MYH10: variants seen among roughly 807,000 people sequenced by gnomAD.
MYH10 encodes myosin heavy chain 10.
In MYH10, 55 loss-of-function variants were observed where a neutral mutation model predicts 257.8. That is an observed-to-expected ratio of 0.21 (90% CI 0.17 to 0.27). The LOEUF is 0.27. Among genes scored for constraint, MYH10 ranks in the 10% least tolerant of loss-of-function variants. MYH10 has a pLI of 1.00. For synonymous variants in MYH10, 854 were observed against 921.7 expected (o/e 0.93, Z 1.33); for missense variants, 1,631 against 2,500.6 (o/e 0.65, Z 7.42).
At position 8,504,815 on chromosome 17, in the gene MYH10, A is replaced by C. The variant is rs777490524; in HGVS notation, c.3478T>G (p.Ser1160Ala). 1.2e-6 allele frequency: 2 copies of C among 1,614,134 alleles called. No individual in the cohort carries two copies. The highest frequency in any genetic ancestry group is 1.7e-6 in the Non-Finnish European group (2 of 1,180,024). The change falls in exon 28 of 43, where the codon TCC becomes GCC. Residue 1160 changes from serine to alanine, a missense_variant. Coordinates refer to ENST00000360416, the MANE Select transcript of MYH10 (RefSeq NM_001256012.3). The surrounding 1 kb of genome is among the most constrained non-coding windows in gnomAD (Gnocchi z 5.6). ...QIAELQEDFE[S>A]EKASRNKAEK... is the part of the protein sequence containing the mutation. ...GCCTTGTTCCGTGAAGCCTTCTCGG[A>C]TTCAAAGTCTTCCTGAAGTTCAGCA... is the stretch of plus-strand genomic sequence containing the variant.
chr17:8,501,980 A>G (rs2080910844), intron 28 of MYH10, among the ~76,000 whole-genome samples: 1 of 152,192 alleles, frequency 6.6e-6, no homozygotes. Context: ...TTTAAGCACG[A>G]GCTTGATGAA....
At chr17:8,529,153 G>A (rs71371851) in intron 17 of MYH10, among the ~76,000 whole-genome samples, 1 of 152,040 alleles carries the variant, frequency 6.6e-6, no homozygotes, top group African/African-American at 2.4e-5. Context: ...AAGAGTGTCC[G>A]TGCTTTAGGT....
chr17:8,608,869 G>A (rs1309273427), intron 2 of MYH10, among the ~76,000 whole-genome samples: 2 of 150,376 alleles, frequency 1.3e-5, no homozygotes, highest in African/African-American at 4.9e-5. Flanking sequence ...GGAGTGCAGT[G>A]GCACGATCTC....
At chr17:8,591,116 C>T (rs1478081921) in intron 3 of MYH10, among the ~76,000 whole-genome samples, 1 of 152,132 alleles carries the variant, frequency 6.6e-6, no homozygotes, top group Non-Finnish European at 1.5e-5. Flanking sequence ...TTGTGATTCA[C>T]CCACCTCGGC....
At position 8,513,655 on chromosome 17, in the gene MYH10, T is replaced by C. The variant is rs1305592506; in HGVS notation, c.2628A>G (p.Leu876=). 1.9e-6 allele frequency: 3 copies of C among 1,613,768 alleles called. No individual in the cohort carries two copies. Among genetic ancestry groups the C allele is most frequent in the Non-Finnish European group, 2.5e-6 (3 of 1,180,036 alleles). Residue 876 remains leucine, a synonymous_variant, in exon 23 of 43, where the codon CTA becomes CTG. Transcript: ENST00000360416. ...WRVFTKVKPL[L]QVTRQEEELQ... ...GTTCTTCCTCCTGGCGAGTCACTTGTAGAAGCGGCTTCACCTATGACAAAA... is the reference window on the plus strand; with the variant it reads ...GTTCTTCCTCCTGGCGAGTCACTTGCAGAAGCGGCTTCACCTATGACAAAA...
chr17:8,510,424 C>T (rs752883877), intron 24 of MYH10, among the ~76,000 whole-genome samples: 9 of 152,124 alleles, frequency 5.9e-5, no homozygotes, highest in Non-Finnish European at 1.0e-4. Context: ...TTCTAGAAGC[C>T]AACATGGCAA....
In MYH10 at chr17:8,490,284, AG is replaced by A. The variant is rs759682553; in HGVS notation, c.4884+55del. 23 of 1,509,894 alleles carry A rather than the reference AG, an allele frequency of 1.5e-5. No individual in the cohort carries two copies. The South Asian group carries it at 2.4e-4, about 15-fold the overall frequency. 93.5% of individuals were successfully genotyped at this position (1,509,894 alleles called of 1,614,324 possible). A position where few individuals can be genotyped will look rare whatever the true frequency, so the allele number is the denominator to read the frequency against. On this transcript the variant is annotated intron_variant, in intron 35 of 42. Transcript: ENST00000360416. The surrounding 1 kb of genome is among the most constrained non-coding windows in gnomAD (Gnocchi z 4.1). Reference sequence around the variant, plus strand: ...ACGAATGAACAGGATACTGACCCAGAGCTGGGCTTTGAGAGCCTGCACCCCT... The same window carrying A: ...ACGAATGAACAGGATACTGACCCAGACTGGGCTTTGAGAGCCTGCACCCCT...
chr17:8,524,003 G>T (rs901154003), intron 17 of MYH10, among the ~76,000 whole-genome samples: 2 of 152,124 alleles, frequency 1.3e-5, no homozygotes, highest in Non-Finnish European at 2.9e-5. Flanking sequence ...AGTGACAAGA[G>T]GAAAATTCCA....
chr17:8,581,901 C>CCACT (rs903578368), intron 4 of MYH10, among the ~76,000 whole-genome samples: 43 of 152,288 alleles, frequency 2.8e-4, no homozygotes, highest in Middle Eastern at 3.4e-3. Flanking sequence ...AATCCTTCTG[C>CCACT]CACTCCCTAG....
At chr17:8,589,719 T>A (rs1268887821) in intron 3 of MYH10, among the ~76,000 whole-genome samples, 1 of 152,168 alleles carries the variant, frequency 6.6e-6, no homozygotes, top group East Asian at 1.9e-4. Flanking sequence ...ATACACCAAA[T>A]ACAACAAAAG....
chr17:8,499,931 T>A (rs7217273), intron 29 of MYH10, among the ~76,000 whole-genome samples: 146,622 of 152,222 alleles, frequency 0.96, 70,861 homozygotes, highest in East Asian at 1. Flanking sequence ...CACATGGGAA[T>A]CTGGGCCAGA....
intron 35 of MYH10, among the ~76,000 whole-genome samples, chr17:8,488,613 A>G (rs1915257966): frequency 6.6e-6 from 1 of 152,214 alleles, no homozygotes; most frequent in Non-Finnish European, 1.5e-5. Flanking sequence ...GCTTCCTGCA[A>G]AGAGGATGAT....
In MYH10 at chr17:8,531,866, A is replaced by G. The variant is rs547421798; in HGVS notation, c.1895-1181T>C. 7.2e-4 allele frequency among the ~76,000 whole-genome samples: 110 copies of G among 152,332 alleles called. 1 individual carries two copies. Among genetic ancestry groups the G allele is most frequent in the African/African-American group, 2.5e-3 (106 of 41,578 alleles). ...TGTTTTTCCAGGGTTATTTTTCTAG[A>G]GAAAAATTGCTCCCCTTATCCTGCG... is the stretch of plus-strand genomic sequence containing the variant. On this transcript the variant is annotated intron_variant, in intron 16 of 42. Coordinates refer to ENST00000360416, the MANE Select transcript of MYH10 (RefSeq NM_001256012.3).
chr17:8,617,136 T>C (rs979391093), intron 2 of MYH10, among the ~76,000 whole-genome samples: 19 of 151,808 alleles, frequency 1.3e-4, no homozygotes, highest in Admixed American at 3.3e-4. Context: ...AGGCTGACCC[T>C]AAGAAAAGGA....
At chr17:8,512,063 C>T (rs8067864) in intron 24 of MYH10, among the ~76,000 whole-genome samples, 59,445 of 152,016 alleles carry the variant, frequency 0.39, 11,633 homozygotes, top group East Asian at 0.5. Flanking sequence ...CAGTGCTGAG[C>T]GTTTCTTATT....
At chr17:8,526,626 AT>A (rs1555587203) in intron 17 of MYH10, among the ~76,000 whole-genome samples, 1 of 48,662 alleles carries the variant, frequency 2.1e-5, no homozygotes, top group Admixed American at 1.8e-4. Flanking sequence ...ACATATTCGC[AT>A]AGCTTTAAGA....
chr17:8,518,711 G>A lies in MYH10; in HGVS notation c.2424C>T (p.His808=). 6.2e-7 allele frequency: 1 copy of A among 1,614,160 alleles called. No individual in the cohort carries two copies. The highest frequency in any genetic ancestry group is 8.5e-7 in the Non-Finnish European group (1 of 1,179,996). Reference sequence around the variant, plus strand: ...TTTTTAAATCTCTTTCTTCCTCTAAGTGTGCCAGAACTCCAGCTCTGAAAA... The same window carrying A: ...TTTTTAAATCTCTTTCTTCCTCTAAATGTGCCAGAACTCCAGCTCTGAAAA... ...KIFFRAGVLA[H]LEEERDLKIT... The change falls in exon 21 of 43, where the codon CAC becomes CAT. Residue 808 remains histidine, a synonymous_variant. Coordinates refer to ENST00000360416, the MANE Select transcript of MYH10 (RefSeq NM_001256012.3).
intron 4 of MYH10, among the ~76,000 whole-genome samples, chr17:8,578,936 T>A (rs1489389167): frequency 6.6e-6 from 1 of 152,212 alleles, no homozygotes; most frequent in African/African-American, 2.4e-5. Context: ...AATCTAAGGA[T>A]TGAAAATCTA....
intron 3 of MYH10, among the ~76,000 whole-genome samples, chr17:8,596,527 T>C (rs1461751263): frequency 1.3e-5 from 2 of 152,140 alleles, no homozygotes; most frequent in Non-Finnish European, 2.9e-5. Flanking sequence ...TTATTTCTCC[T>C]AATGTAGGAA....
Sources: allele counts gnomAD v4.1 joint callset (sites outside exome capture counted in the v4.1 genomes callset), GRCh38; gene constraint gnomAD v4.1.1; non-coding constraint Gnocchi (gnomAD v3.1); transcripts MANE v1.5; gene names NCBI Gene and HGNC (gene_info 2026-07-23, HGNC 2026-07-21).